Variants in ZFAT observed in about 807,000 individuals in gnomAD.
ZFAT encodes the protein zinc finger and AT-hook domain containing, also known as zinc finger protein ZFAT.
A neutral mutation model predicts 117.7 loss-of-function variants in ZFAT; 64 were observed. That is an observed-to-expected ratio of 0.54 (90% confidence interval 0.44 to 0.67). The LOEUF (loss-of-function observed/expected upper bound fraction) is 0.67, where lower values mean the gene tolerates loss of function less well. ZFAT is among the 30% of genes least tolerant of loss of function. The probability of loss-of-function intolerance (pLI) is 0.00; values close to 1 mark genes in which losing one functional copy is unlikely to be tolerated. For missense variants in ZFAT, 1,433 were observed against 1,584.5 expected (o/e 0.90, Z 1.62); for synonymous variants, 679 against 615.0 (o/e 1.10, Z -1.54).
rs1817056878 is a variant in ZFAT at position 134,478,670 on chromosome 8, C to A, written c.3544G>T (p.Val1182Phe). The A allele has an allele frequency of 6.3e-7, 1 of 1,581,954 alleles. No homozygotes were observed. The highest frequency in any genetic ancestry group is 2.3e-5 in the East Asian group (1 of 42,832). The part of the protein sequence containing the change: ...SNHTVMIQET[V>F]QQASVELAEQ... ...GCAAGCTCCACGGACGCTTGCTGGA[C>A]CGTCTCCTGGATCATGACCGTGTGG... The change falls in exon 16 of 16, where the codon GTC (valine) becomes TTC (phenylalanine). Residue 1182 changes from valine (V) to phenylalanine (F), a missense_variant. By Grantham distance (50) the Val-to-Phe change is conservative. Coordinates refer to ENST00000377838, the MANE Select transcript of ZFAT (RefSeq NM_020863.4). The surrounding 1 kb of genome is among the most constrained non-coding windows in gnomAD (Gnocchi z 5.2).
At chr8:134,779,009 G>A in the ZFAT span, among the ~76,000 whole-genome samples, 1 of 152,190 alleles carries the variant, frequency 6.6e-6, no homozygotes, top group African/African-American at 2.4e-5. Flanking sequence ...ACGTTCATGT[G>A]CTTTACATGG....
At chr8:134,720,841 C>T in the ZFAT span, among the ~76,000 whole-genome samples, 5 of 152,166 alleles carry the variant, frequency 3.3e-5, no homozygotes, top group Non-Finnish European at 5.9e-5. Flanking sequence ...AAAAATCAAA[C>T]GGAATAAAAT....
chr8:134,646,900 G>C (rs1043448516), intron 2 of ZFAT, among the ~76,000 whole-genome samples: 1 of 152,128 alleles, frequency 6.6e-6, no homozygotes, highest in Admixed American at 6.6e-5. Context: ...GACTGAATCA[G>C]TAATCAAAAT....
At chr8:134,743,739 A>G in the ZFAT span, among the ~76,000 whole-genome samples, 24 of 152,254 alleles carry the variant, frequency 1.6e-4, no homozygotes, top group African/African-American at 5.5e-4. Flanking sequence ...GCTTTGCCCC[A>G]GAAGCGTCTG....
chr8:134,550,310 G>GGAAAAAAAAAA (rs567927266), intron 11 of ZFAT, among the ~76,000 whole-genome samples: 3 of 72,534 alleles, frequency 4.1e-5, no homozygotes, highest in African/African-American at 1.5e-4. Context: ...GGTCACAACG[G>GGAAAAAAAAAA]AAAAAAAAAA....
At chr8:134,580,427 C>T (rs1563873696) in intron 10 of ZFAT, among the ~76,000 whole-genome samples, 1 of 152,308 alleles carries the variant, frequency 6.6e-6, no homozygotes, top group South Asian at 2.1e-4. Context: ...AAGGCACCTG[C>T]ACAAGCACAG....
chr8:134,804,984 A>G, the ZFAT span: 20 of 523,540 alleles, frequency 3.8e-5, no homozygotes, highest in Non-Finnish European at 1.2e-5. Context: ...AGGAACAGAC[A>G]TAAATGTTGC....
chr8:134,753,296 G>A, the ZFAT span, among the ~76,000 whole-genome samples: 1 of 152,116 alleles, frequency 6.6e-6, no homozygotes, highest in South Asian at 2.1e-4. Context: ...AGGAATAGAA[G>A]AGAAAGTTGA....
chr8:134,508,108 A>C (rs186661829), intron 15 of ZFAT, among the ~76,000 whole-genome samples: 235 of 152,304 alleles, frequency 1.5e-3, no homozygotes, highest in African/African-American at 4.6e-3. Flanking sequence ...GAGAAATCAC[A>C]CTGTGGAGGA....
chr8:134,483,199 T>G (rs1817440250), intron 15 of ZFAT, among the ~76,000 whole-genome samples: 1 of 152,378 alleles, frequency 6.6e-6, no homozygotes, highest in Non-Finnish European at 1.5e-5. Context: ...TGCAGTTTAC[T>G]GAACATTCTC....
intron 3 of ZFAT, among the ~76,000 whole-genome samples, chr8:134,620,993 T>C (rs1294799662): frequency 1.3e-5 from 2 of 152,192 alleles, no homozygotes; most frequent in Non-Finnish European, 2.9e-5. Flanking sequence ...CATGTGCTAA[T>C]TACACAGTTA....
the ZFAT span, among the ~76,000 whole-genome samples, chr8:134,790,955 C>T: frequency 6.6e-6 from 1 of 152,156 alleles, no homozygotes; most frequent in Non-Finnish European, 1.5e-5. Flanking sequence ...ATTGAGGCTG[C>T]AGTAAGCCAT....
intron 3 of ZFAT, among the ~76,000 whole-genome samples, chr8:134,620,070 G>A (rs939195205): frequency 1.3e-5 from 2 of 152,180 alleles, no homozygotes; most frequent in Non-Finnish European, 2.9e-5. Flanking sequence ...TTAAGGTGCT[G>A]GAGAGAACAG....
At chr8:134,609,862 CAA>C in intron 4 of ZFAT, among the ~76,000 whole-genome samples, 1 of 152,016 alleles carries the variant, frequency 6.6e-6, no homozygotes, top group Non-Finnish European at 1.5e-5. Flanking sequence ...TCTAAAAATA[CAA>C]AAAAAGATCA....
chr8:134,711,718 GAC>G (rs1301888635), intron 1 of ZFAT, among the ~76,000 whole-genome samples: 5 of 152,146 alleles, frequency 3.3e-5, no homozygotes, highest in African/African-American at 4.8e-5. Context: ...GTCACTCCAG[GAC>G]ACATTCTCCC....
At chr8:134,697,323 AG>A (rs1489016049) in intron 1 of ZFAT, among the ~76,000 whole-genome samples, 1 of 151,364 alleles carries the variant, frequency 6.6e-6, no homozygotes, top group Non-Finnish European at 1.5e-5. Context: ...TATCTTGGCC[AG>A]GCTGGTATTG....
intron 2 of ZFAT, among the ~76,000 whole-genome samples, chr8:134,653,041 G>A (rs916498649): frequency 3.3e-5 from 5 of 151,726 alleles, no homozygotes; most frequent in African/African-American, 1.2e-4. Context: ...AGTAAATTAT[G>A]CATTATCCAT....
At chr8:134,700,859 G>A (rs1296323786) in intron 1 of ZFAT, among the ~76,000 whole-genome samples, 5 of 152,064 alleles carry the variant, frequency 3.3e-5, no homozygotes, top group East Asian at 3.9e-4. Context: ...CTGCCCAAGC[G>A]ACCCTTGTAC....
chr8:134,764,714 G>A, the ZFAT span: 1 of 152,182 alleles, frequency 6.6e-6, no homozygotes, highest in Non-Finnish European at 1.5e-5. Flanking sequence ...GCATTTAAAT[G>A]TACAGTATTG....
Sources: gnomAD v4.1 joint callset for allele counts (sites outside exome capture counted in the v4.1 genomes callset) on GRCh38, gnomAD v4.1.1 for gene constraint, Gnocchi (gnomAD v3.1) non-coding constraint, MANE v1.5 for transcripts, NCBI Gene and HGNC (gene_info 2026-07-23, HGNC 2026-07-21) for gene names.